STX18: variants seen among roughly 807,000 people sequenced by gnomAD.
STX18 encodes syntaxin 18, also known as syntaxin-18.
In STX18, 40 loss-of-function variants were observed where a neutral mutation model predicts 50.1. That is an observed-to-expected ratio of 0.80 (90% CI 0.62 to 1.04). The LOEUF (loss-of-function observed/expected upper bound fraction) is 1.04, where lower values mean the gene tolerates loss of function less well. Among genes scored for constraint, STX18 ranks in the 50% least tolerant of loss-of-function variants. STX18 has a pLI of 0.00. For synonymous variants in STX18, 158 were observed against 151.8 expected, an observed-to-expected ratio of 1.04 and a Z score of -0.30; for missense variants, 410 against 415.8, an observed-to-expected ratio of 0.99 and a Z score of 0.12.
intron 1 of STX18, among the ~76,000 whole-genome samples, chr4:4,502,016 C>G (rs1030835502): frequency 1.2e-4 from 18 of 152,160 alleles, no homozygotes; most frequent in African/African-American, 1.7e-4. Flanking sequence ...CAGGATACTC[C>G]TAAGCATTAA....
intron 1 of STX18, among the ~76,000 whole-genome samples, chr4:4,488,014 GTGTTAAAAGT>G (rs1560189670): frequency 6.6e-6 from 1 of 151,978 alleles, no homozygotes; most frequent in Non-Finnish European, 1.5e-5. Flanking sequence ...TGGTCATGAT[GTGTTAAAAGT>G]TGTTTTTTTT....
intron 2 of STX18, among the ~76,000 whole-genome samples, chr4:4,460,174 AAAACGT>A (rs1727304013): frequency 6.6e-6 from 1 of 152,134 alleles, no homozygotes; most frequent in Non-Finnish European, 1.5e-5. Flanking sequence ...CTCCCCTCTA[AAAACGT>A]AAGTTCCACA....
chr4:4,499,510 A>G (rs1463303865), intron 1 of STX18: 2 of 985,342 alleles, frequency 2.0e-6, no homozygotes, highest in Non-Finnish European at 2.4e-6. Flanking sequence ...GTTGTACTGC[A>G]AAGAAACAGC....
At chr4:4,534,535 G>A (rs1157639671) in intron 1 of STX18, among the ~76,000 whole-genome samples, 1 of 152,088 alleles carries the variant, frequency 6.6e-6, no homozygotes, top group Non-Finnish European at 1.5e-5. Flanking sequence ...ACTGTCACCG[G>A]CTCCTCAGTT....
chr4:4,468,601 TG>T (rs1727746894), intron 2 of STX18, among the ~76,000 whole-genome samples: 1 of 152,124 alleles, frequency 6.6e-6, no homozygotes, highest in African/African-American at 2.4e-5. Context: ...TACATTATCA[TG>T]GTTAAAACTG....
Position 4,495,870 on chromosome 4 carries a change from TA to T in STX18, c.169-24165del, listed in dbSNP as rs369552218. 2.1e-3 allele frequency among the ~76,000 whole-genome samples: 327 copies of T among 152,298 alleles called. 2 individuals carry two copies. Among genetic ancestry groups the T allele is most frequent in the African/African-American group, 7.3e-3 (305 of 41,566 alleles). On this transcript the variant is annotated intron_variant, in intron 1 of 10. Transcript: ENST00000306200. Reference sequence around the variant, plus strand: ...GAACAAGTTAAAATGCAAAATAGAATAGCAGAGCAGTGGTACTATCTGTCCA... The same window carrying T: ...GAACAAGTTAAAATGCAAAATAGAATGCAGAGCAGTGGTACTATCTGTCCA...
chr4:4,516,729 T>G lies in STX18; in HGVS notation c.168+25068A>C, dbSNP rs2108900283. ...TTTTTATTTAATAACTATAAATAAA[T>G]AGGAAATATTTTGTCTGTGCTAACA... On this transcript the variant is annotated intron_variant, in intron 1 of 10. Transcript: ENST00000306200. 1.3e-5 allele frequency among the ~76,000 whole-genome samples: 2 copies of G among 152,264 alleles called. 1 individual carries two copies. The highest frequency in any genetic ancestry group is 4.1e-4 in the South Asian group (2 of 4,822).
At chr4:4,472,374 G>A (rs1464261615) in intron 1 of STX18, among the ~76,000 whole-genome samples, 1 of 152,206 alleles carries the variant, frequency 6.6e-6, no homozygotes, top group African/African-American at 2.4e-5. Context: ...TGGGAAGAAC[G>A]CTCAGACCAC....
intron 5 of STX18, among the ~76,000 whole-genome samples, chr4:4,447,406 G>A (rs951359004): frequency 7.3e-5 from 11 of 151,108 alleles, no homozygotes; most frequent in South Asian, 2.1e-4. Flanking sequence ...TGGCTAACAC[G>A]GTGAAACCCC....
At chr4:4,535,420 C>T (rs1461785723) in intron 1 of STX18, among the ~76,000 whole-genome samples, 3 of 152,180 alleles carry the variant, frequency 2.0e-5, no homozygotes, top group Non-Finnish European at 4.4e-5. Context: ...CCTTATAGTA[C>T]ACACTCAGTT....
Position 4,457,494 on chromosome 4 carries a change from T to A in STX18, c.359A>T (p.Lys120Met). ...AIQQLRTEAH[K>M]EIHSQQVKEH... is the part of the protein sequence containing the mutation. Reference sequence around the variant, plus strand: ...CTTCACTTGCTGGGAATGTATCTCCTTGTGAGCTGTAACAGAAAAAGACAA... The same window carrying A: ...CTTCACTTGCTGGGAATGTATCTCCATGTGAGCTGTAACAGAAAAAGACAA... The change falls in exon 4 of 11, where the codon AAG becomes ATG. Residue 120 changes from lysine (K) to methionine (M), a missense_variant. Lys to Met is a moderately conservative substitution (Grantham distance 95, BLOSUM62 -1). Transcript: ENST00000306200. 6.2e-7 allele frequency: 1 copy of A among 1,613,574 alleles called. No individual in the cohort carries two copies.
At chr4:4,540,753 C>A (rs1274271838) in intron 1 of STX18, among the ~76,000 whole-genome samples, 1 of 152,174 alleles carries the variant, frequency 6.6e-6, no homozygotes, top group African/African-American at 2.4e-5. Context: ...GGTCCAATCC[C>A]CTTTCTAATG....
intron 1 of STX18, among the ~76,000 whole-genome samples, chr4:4,539,630 T>C (rs1204034568): frequency 2.0e-5 from 3 of 152,232 alleles, no homozygotes; most frequent in African/African-American, 4.8e-5. Flanking sequence ...CATCAATACA[T>C]AGCAGAACTG....
chr4:4,484,748 T>A (rs979030627), intron 1 of STX18, among the ~76,000 whole-genome samples: 6 of 152,116 alleles, frequency 3.9e-5, no homozygotes, highest in African/African-American at 1.2e-4. Context: ...AACAACCCAA[T>A]CCAAAACTAC....
chr4:4,458,062 C>T (rs921923026), intron 3 of STX18, among the ~76,000 whole-genome samples: 6 of 152,166 alleles, frequency 3.9e-5, no homozygotes, highest in African/African-American at 1.2e-4. Context: ...AAGTCTGTGC[C>T]ACTGGTTTTG....
At chr4:4,539,179 T>C (rs1355839388) in intron 1 of STX18, among the ~76,000 whole-genome samples, 2 of 152,138 alleles carry the variant, frequency 1.3e-5, no homozygotes, top group East Asian at 1.9e-4. Context: ...AATGGAAGAA[T>C]AGAAATTGAA....
intron 1 of STX18, among the ~76,000 whole-genome samples, chr4:4,528,810 TA>T (rs1314741887): frequency 6.6e-6 from 1 of 152,150 alleles, no homozygotes; most frequent in Non-Finnish European, 1.5e-5. Context: ...ATGCAGTGGT[TA>T]AAAAGCCCTG....
At chr4:4,462,488 A>G (rs910237887) in intron 2 of STX18, among the ~76,000 whole-genome samples, 3 of 152,216 alleles carry the variant, frequency 2.0e-5, no homozygotes, top group African/African-American at 7.2e-5. Flanking sequence ...ACAGGGACCA[A>G]AACAGGGGGT....
At chr4:4,447,452 G>A (rs995132748) in intron 5 of STX18, among the ~76,000 whole-genome samples, 4 of 151,536 alleles carry the variant, frequency 2.6e-5, no homozygotes, top group East Asian at 1.9e-4. Context: ...TTAGCCGGGC[G>A]TGGTAGCGGG....
Sources: allele counts gnomAD v4.1 joint callset (sites outside exome capture counted in the v4.1 genomes callset), GRCh38; gene constraint gnomAD v4.1.1; transcripts MANE v1.5; gene names NCBI Gene and HGNC (gene_info 2026-07-23, HGNC 2026-07-21).